The following TMEM117 variants were observed in gnomAD, a reference collection of about 807,000 sequenced individuals.
TMEM117 encodes transmembrane protein 117.
Under a neutral mutation model 52.4 loss-of-function variants are expected in TMEM117, and 27 were observed. That is an observed-to-expected ratio of 0.51 (90% CI 0.38 to 0.71). The LOEUF (loss-of-function observed/expected upper bound fraction) is 0.71, where lower values mean the gene tolerates loss of function less well. Ranked by LOEUF, TMEM117 falls within the 30% of genes least tolerant of loss-of-function variation. The probability of loss-of-function intolerance (pLI) is 0.00; values close to 1 mark genes in which losing one functional copy is unlikely to be tolerated. For synonymous variants in TMEM117, 215 were observed against 206.3 expected, an observed-to-expected ratio of 1.04 and a Z score of -0.36; for missense variants, 556 against 630.5, an observed-to-expected ratio of 0.88 and a Z score of 1.26.
intron 6 of TMEM117, among the ~76,000 whole-genome samples, chr12:44,337,570 T>C (rs987390569): frequency 1.3e-5 from 2 of 151,928 alleles, no homozygotes; most frequent in Non-Finnish European, 2.9e-5. Flanking sequence ...CCTTCATCCT[T>C]CAGGGACATC....
intron 2 of TMEM117, among the ~76,000 whole-genome samples, chr12:43,919,964 A>T (rs1944664935): frequency 6.6e-6 from 1 of 151,864 alleles, no homozygotes; most frequent in African/African-American, 2.4e-5. Flanking sequence ...AGCATCACTC[A>T]TGATATTTTC....
At chr12:44,143,194 T>C (rs929255406) in intron 3 of TMEM117, among the ~76,000 whole-genome samples, 3 of 152,238 alleles carry the variant, frequency 2.0e-5, no homozygotes, top group African/African-American at 7.2e-5. Context: ...GAAGTGTTTC[T>C]GCTCTGCTCA....
At chr12:44,196,370 CA>C (rs1259107591) in intron 4 of TMEM117, among the ~76,000 whole-genome samples, 1 of 151,600 alleles carries the variant, frequency 6.6e-6, no homozygotes, top group Non-Finnish European at 1.5e-5. Context: ...AAGATTAATC[CA>C]GATTAAAAGA....
chr12:43,942,994 C>T (rs896637332), intron 2 of TMEM117, among the ~76,000 whole-genome samples: 4 of 151,316 alleles, frequency 2.6e-5, no homozygotes, highest in African/African-American at 4.8e-5. Context: ...TTGGCCAACA[C>T]GGTGAAACCC....
chr12:44,260,789 A>C (rs2138538839), intron 5 of TMEM117, among the ~76,000 whole-genome samples: 1 of 152,280 alleles, frequency 6.6e-6, no homozygotes, highest in South Asian at 2.1e-4. Flanking sequence ...ACAGTGGAAA[A>C]CCATGTGCAA....
chr12:44,286,110 G>A (rs1051274505), intron 5 of TMEM117, among the ~76,000 whole-genome samples: 2 of 151,860 alleles, frequency 1.3e-5, no homozygotes, highest in Admixed American at 6.6e-5. Flanking sequence ...GTAAGAAACT[G>A]ATACATTATT....
intron 5 of TMEM117, among the ~76,000 whole-genome samples, chr12:44,253,338 T>G (rs1057390002): frequency 2.6e-5 from 4 of 152,210 alleles, no homozygotes; most frequent in African/African-American, 9.6e-5. Flanking sequence ...TGAAGGGATG[T>G]TCAGGATGAT....
intron 4 of TMEM117, among the ~76,000 whole-genome samples, chr12:44,171,013 CT>C (rs757855409): frequency 0.011 from 1,397 of 132,154 alleles, 6 homozygotes; most frequent in African/African-American, 0.03. Flanking sequence ...TAACAAATAT[CT>C]TTTTTTTTTT....
chr12:44,009,097 T>C, intron 3 of TMEM117: 1 of 355,780 alleles, frequency 2.8e-6, no homozygotes, highest in Non-Finnish European at 5.5e-6. Flanking sequence ...TGAAGACACA[T>C]AAGTTTTGGA....
At chr12:43,984,523 C>T (rs1945814852) in intron 3 of TMEM117, among the ~76,000 whole-genome samples, 1 of 152,180 alleles carries the variant, frequency 6.6e-6, no homozygotes, top group Non-Finnish European at 1.5e-5. Flanking sequence ...TGCAGTTAAT[C>T]TCCTTTTATC....
intron 5 of TMEM117, among the ~76,000 whole-genome samples, chr12:44,243,450 ATAAC>A (rs1950089338): frequency 6.6e-6 from 1 of 151,972 alleles, no homozygotes; most frequent in Non-Finnish European, 1.5e-5. Context: ...TAAATAAATA[ATAAC>A]TAAAGTATAA....
chr12:43,944,160 G>C (rs899820006), intron 2 of TMEM117, 50 bp from the exon 3 acceptor site: 5 of 1,487,708 alleles, frequency 3.4e-6, no homozygotes, highest in Non-Finnish European at 4.6e-6. Context: ...AAAGATCCAT[G>C]AATTTTGAGT....
chr12:44,286,491 A>T (rs1421060064), intron 5 of TMEM117, among the ~76,000 whole-genome samples: 3 of 152,148 alleles, frequency 2.0e-5, no homozygotes, highest in Non-Finnish European at 4.4e-5. Context: ...ACCATAAATG[A>T]GTCAGCCCTT....
At chr12:43,899,230 A>G (rs1260837895) in intron 2 of TMEM117, among the ~76,000 whole-genome samples, 1 of 152,244 alleles carries the variant, frequency 6.6e-6, no homozygotes, top group Non-Finnish European at 1.5e-5. Context: ...AAAGCAGCCT[A>G]TTAGCAATGA....
chr12:44,183,233 C>G (rs544050362), intron 4 of TMEM117, among the ~76,000 whole-genome samples: 4 of 151,982 alleles, frequency 2.6e-5, no homozygotes, highest in Admixed American at 6.5e-5. Flanking sequence ...TATAAAAATG[C>G]CATTGTTTAT....
At chr12:44,322,319 G>A (rs746821101) in intron 6 of TMEM117, among the ~76,000 whole-genome samples, 2 of 152,070 alleles carry the variant, frequency 1.3e-5, no homozygotes, top group South Asian at 2.1e-4. Context: ...CTGACCTAAC[G>A]AGGCAAAAAT....
At chr12:44,085,290 T>C (rs947635899) in intron 3 of TMEM117, among the ~76,000 whole-genome samples, 2 of 152,196 alleles carry the variant, frequency 1.3e-5, no homozygotes, top group East Asian at 3.8e-4. Context: ...GAAATGTGCT[T>C]TACATAGTGC....
intron 2 of TMEM117, among the ~76,000 whole-genome samples, chr12:43,942,690 A>C (rs1310685403): frequency 6.6e-6 from 1 of 152,106 alleles, no homozygotes; most frequent in Non-Finnish European, 1.5e-5. Flanking sequence ...TCCAAATGAA[A>C]TCTAAAGTAC....
chr12:44,078,010 A>G (rs1021847905), intron 3 of TMEM117, among the ~76,000 whole-genome samples: 2 of 152,198 alleles, frequency 1.3e-5, no homozygotes, highest in African/African-American at 4.8e-5. Flanking sequence ...CCTACAAGCA[A>G]GTAACTCAAA....
Sources: allele counts gnomAD v4.1 joint callset (sites outside exome capture counted in the v4.1 genomes callset), GRCh38; gene constraint gnomAD v4.1.1; transcripts MANE v1.5; gene names NCBI Gene and HGNC (gene_info 2026-07-23, HGNC 2026-07-21).